The following QTGAL variants were observed in gnomAD, a reference collection of about 807,000 sequenced individuals.
QTGAL encodes BGnT-like protein 1.
the QTGAL span, chr17:83,005,334 G>A: frequency 2.4e-6 from 2 of 839,184 alleles, no homozygotes. The surrounding 1 kb of genome is among the most constrained non-coding windows in gnomAD (Gnocchi z 5.6). Flanking sequence ...CTGAAATGCT[G>A]CAAATCTGGG....
the QTGAL span, among the ~76,000 whole-genome samples, chr17:82,996,916 C>A: frequency 2.3e-3 from 350 of 152,278 alleles, no homozygotes; most frequent in Non-Finnish European, 3.5e-3. Context: ...TAAAGACTTA[C>A]ATTTAAGACT....
At chr17:83,028,821 G>A in the QTGAL span, among the ~76,000 whole-genome samples, 4 of 151,998 alleles carry the variant, frequency 2.6e-5, no homozygotes, top group East Asian at 1.9e-4. Context: ...TGTTAATGGC[G>A]TCTTTATTCT....
chr17:83,005,899 G>C, the QTGAL span: 1 of 1,362,458 alleles, frequency 7.3e-7, no homozygotes, highest in East Asian at 2.9e-5. This position sits in a 1 kb window ranked among gnomAD's most constrained non-coding sequence, Gnocchi z 5.6. Flanking sequence ...CCCCGGAGTG[G>C]GCTCCCAGCA....
At chr17:82,982,495 G>A in the QTGAL span, among the ~76,000 whole-genome samples, 102,679 of 141,730 alleles carry the variant, frequency 0.72, 35,000 homozygotes, top group East Asian at 0.82. Flanking sequence ...CTTCCCTCCC[G>A]CCACGTGAAT....
the QTGAL span, among the ~76,000 whole-genome samples, chr17:83,025,670 G>A: frequency 6.6e-6 from 1 of 151,840 alleles, no homozygotes; most frequent in South Asian, 2.1e-4. Context: ...CGGACACCGC[G>A]GAGAGTCCAC....
At chr17:82,974,475 G>A in the QTGAL span, among the ~76,000 whole-genome samples, 1 of 152,246 alleles carries the variant, frequency 6.6e-6, no homozygotes, top group African/African-American at 2.4e-5. Context: ...CGGAGTCAGG[G>A]CGGACTTGGT....
the QTGAL span, among the ~76,000 whole-genome samples, chr17:83,044,621 C>T: frequency 3.9e-5 from 6 of 152,218 alleles, no homozygotes; most frequent in Non-Finnish European, 5.9e-5. Context: ...CTATTCGGCA[C>T]CGTCCTGGAA....
At chr17:82,958,407 T>C in the QTGAL span, among the ~76,000 whole-genome samples, 1 of 152,218 alleles carries the variant, frequency 6.6e-6, no homozygotes, top group Non-Finnish European at 1.5e-5. Context: ...GGGTGGGGTC[T>C]GGGCCAGACA....
the QTGAL span, among the ~76,000 whole-genome samples, chr17:83,032,496 C>T: frequency 1.2e-4 from 14 of 112,606 alleles, 2 homozygotes; most frequent in African/African-American, 4.8e-4. Context: ...AGACCGAACT[C>T]GGGAGCTGAA....
chr17:83,014,405 T>C, the QTGAL span: 1 of 1,582,200 alleles, frequency 6.3e-7, no homozygotes, highest in Non-Finnish European at 8.7e-7. Context: ...AAAACCACAG[T>C]GGTAATTTCA....
At chr17:82,972,359 G>A in the QTGAL span, among the ~76,000 whole-genome samples, 1 of 131,300 alleles carries the variant, frequency 7.6e-6, no homozygotes, top group East Asian at 2.3e-4. Context: ...ACACCACAGG[G>A]GATAGAAGGA....
the QTGAL span, among the ~76,000 whole-genome samples, chr17:83,047,106 G>A: frequency 6.6e-6 from 1 of 152,236 alleles, no homozygotes; most frequent in East Asian, 1.9e-4. Context: ...GGTGGCAGAA[G>A]GGGCTTCTCA....
the QTGAL span, among the ~76,000 whole-genome samples, chr17:83,043,020 C>T: frequency 1.3e-3 from 202 of 152,246 alleles, 10 homozygotes; most frequent in East Asian, 0.029. Context: ...AAGAGGGTCA[C>T]AAAATTAAGT....
chr17:83,039,962 G>C, the QTGAL span, among the ~76,000 whole-genome samples: 1 of 152,156 alleles, frequency 6.6e-6, no homozygotes, highest in Non-Finnish European at 1.5e-5. Flanking sequence ...CTCTCACATG[G>C]GGACATTCCA....
the QTGAL span, among the ~76,000 whole-genome samples, chr17:83,040,065 C>A: frequency 6.6e-6 from 1 of 152,280 alleles, no homozygotes; most frequent in East Asian, 1.9e-4. Flanking sequence ...TGGGGTGATG[C>A]CACCCATTCC....
At chr17:82,971,296 C>A in the QTGAL span, among the ~76,000 whole-genome samples, 1 of 152,014 alleles carries the variant, frequency 6.6e-6, no homozygotes, top group African/African-American at 2.4e-5. Flanking sequence ...CATAAGGACG[C>A]GCACAGACAC....
At chr17:82,987,624 G>T in the QTGAL span, among the ~76,000 whole-genome samples, 1 of 152,184 alleles carries the variant, frequency 6.6e-6, no homozygotes, top group African/African-American at 2.4e-5. Context: ...TGTTCTGTTG[G>T]CCTATGTGTC....
the QTGAL span, among the ~76,000 whole-genome samples, chr17:83,044,026 C>T: frequency 5.9e-4 from 90 of 152,214 alleles, no homozygotes; most frequent in African/African-American, 2.1e-3. Flanking sequence ...AACAAAAAAG[C>T]CCAGAGTCAG....
chr17:82,961,205 CA>C, the QTGAL span: 1 of 1,599,244 alleles, frequency 6.3e-7, no homozygotes, highest in Admixed American at 1.7e-5. Context: ...GAAGCAGAGG[CA>C]TCACTGGGGC....
Sources: allele counts gnomAD v4.1 joint callset (sites outside exome capture counted in the v4.1 genomes callset), GRCh38; gene constraint gnomAD v4.1.1; non-coding constraint Gnocchi (gnomAD v3.1); transcripts MANE v1.5; gene names NCBI Gene and HGNC (gene_info 2026-07-23, HGNC 2026-07-21).